DENND10: variants seen among roughly 807,000 people sequenced by gnomAD.
The protein encoded by DENND10 is DENN domain containing 10.
Under a neutral mutation model 43.6 loss-of-function variants are expected in DENND10, and 24 were observed. The observed-to-expected ratio is 0.55, with a 90% confidence interval of 0.40 to 0.77. The LOEUF (loss-of-function observed/expected upper bound fraction) is 0.77, where lower values mean the gene tolerates loss of function less well. DENND10 is among the 30% of genes least tolerant of loss of function. The probability of loss-of-function intolerance (pLI) is 0.00; values close to 1 mark genes in which losing one functional copy is unlikely to be tolerated. For synonymous variants in DENND10, 125 were observed against 157.6 expected (o/e 0.79, Z 1.55); for missense variants, 303 against 429.9 (o/e 0.70, Z 2.61).
At chr10:119,112,868 G>A (rs892954985) in intron 3 of DENND10, among the ~76,000 whole-genome samples, 3 of 142,990 alleles carry the variant, frequency 2.1e-5, no homozygotes, top group Non-Finnish European at 3.0e-5. Context: ...TTTTTTTTTT[G>A]AGACAGAGTC....
Position 119,108,052 on chromosome 10 carries a change from G to T in DENND10, c.140G>T (p.Cys47Phe). 1 of 1,613,256 alleles carries T rather than the reference G, an allele frequency of 6.2e-7. No individual in the cohort carries two copies. The highest frequency in any genetic ancestry group is 8.5e-7 in the Non-Finnish European group (1 of 1,179,206). Residue 47 changes from cysteine (C) to phenylalanine (F), a missense_variant, in exon 2 of 9, where the codon TGC becomes TTC. Cys to Phe is a radical substitution (Grantham distance 205). Transcript: ENST00000361432. ...TTAAGGAACCTGCTGCTGAGAAAAT[G>T]CTGCCTTACAGATGAAAACAAACTT... ...ATLRNLLLRKCCLTDENKLLH... is the reference protein window; with the variant it reads ...ATLRNLLLRKFCLTDENKLLH...
intron 7 of DENND10, among the ~76,000 whole-genome samples, chr10:119,131,925 C>T (rs1477955864): frequency 4.6e-5 from 7 of 152,224 alleles, no homozygotes; most frequent in African/African-American, 1.7e-4. Context: ...AAAATGGGCT[C>T]ATCCTAATCC....
At chr10:119,131,797 T>C (rs1296305668) in intron 7 of DENND10, among the ~76,000 whole-genome samples, 1 of 152,224 alleles carries the variant, frequency 6.6e-6, no homozygotes, top group Non-Finnish European at 1.5e-5. Context: ...AATAACTGCC[T>C]TTTGCAAAGC....
intron 7 of DENND10, among the ~76,000 whole-genome samples, chr10:119,131,434 G>A (rs576219039): frequency 6.6e-6 from 1 of 152,188 alleles, no homozygotes; most frequent in South Asian, 2.1e-4. Flanking sequence ...CTCCAGCCTG[G>A]GTGACAAAGC....
At chr10:119,122,508 A>G (rs4752251) in intron 5 of DENND10, among the ~76,000 whole-genome samples, 2 of 151,878 alleles carry the variant, frequency 1.3e-5, no homozygotes, top group Non-Finnish European at 2.9e-5. Flanking sequence ...AGTGAGAGAG[A>G]CAGAACTTTC....
At chr10:119,110,477 A>G (rs1461728973) in intron 2 of DENND10, among the ~76,000 whole-genome samples, 1 of 151,622 alleles carries the variant, frequency 6.6e-6, no homozygotes, top group Admixed American at 6.6e-5. Flanking sequence ...TCTTTTTTTG[A>G]GACAAAGTCT....
chr10:119,108,133 T>C lies in DENND10; in HGVS notation c.221T>C (p.Ile74Thr), dbSNP rs550831894. ...AGAACATGGTTTTATATCACAACAATTGAAGTTCCAGATTCTTCCATTTTG... is the reference window on the plus strand; with the variant it reads ...AGAACATGGTTTTATATCACAACAACTGAAGTTCCAGATTCTTCCATTTTG... ...YRRTWFYITTIEVPDSSILKK... is the reference protein window; with the variant it reads ...YRRTWFYITTTEVPDSSILKK... The change falls in exon 2 of 9, where the codon ATT (isoleucine) becomes ACT (threonine). Residue 74 changes from isoleucine (I) to threonine (T), a missense_variant. Ile to Thr is a moderately conservative substitution (Grantham distance 89). Coordinates refer to ENST00000361432, the MANE Select transcript of DENND10 (RefSeq NM_207009.4). The C allele has an allele frequency of 4.5e-5, 73 of 1,613,710 alleles. No homozygotes were observed. The highest frequency in any genetic ancestry group is 5.8e-5 in the Non-Finnish European group (68 of 1,179,664).
intron 6 of DENND10, 29 bp from the exon 7 acceptor site, chr10:119,129,486 C>T (rs1395708752): frequency 6.9e-7 from 1 of 1,459,360 alleles, no homozygotes. Flanking sequence ...CTTCCTACTC[C>T]AGTAAGGTTG....
intron 1 of DENND10, chr10:119,105,411 C>T (rs1844643074): frequency 2.7e-6 from 1 of 373,756 alleles, no homozygotes; most frequent in Non-Finnish European, 4.2e-6. Flanking sequence ...CCTCGGCCTC[C>T]GAGTAGCTGG....
At chr10:119,118,368 C>G (rs958294522) in intron 4 of DENND10, among the ~76,000 whole-genome samples, 1 of 152,170 alleles carries the variant, frequency 6.6e-6, no homozygotes, top group Non-Finnish European at 1.5e-5. Flanking sequence ...TAGCAGTTAT[C>G]TCTGTCATCT....
At chr10:119,107,406 CTTT>C (rs748394240) in intron 1 of DENND10, among the ~76,000 whole-genome samples, 5 of 140,364 alleles carry the variant, frequency 3.6e-5, no homozygotes, top group East Asian at 2.0e-4. Flanking sequence ...CTTTCTTTGT[CTTT>C]TTTTTTTTTT....
At chr10:119,119,179 T>G (rs2133488755) in intron 4 of DENND10, among the ~76,000 whole-genome samples, 1 of 152,290 alleles carries the variant, frequency 6.6e-6, no homozygotes, top group South Asian at 2.1e-4. Context: ...TAATTGTGTA[T>G]TTTTAGTACA....
In DENND10 at chr10:119,119,161, C is replaced by T. The variant is rs576267104; in HGVS notation, c.482-1180C>T. Among the ~76,000 whole-genome samples, 12 of 152,276 alleles carry T rather than the reference C, an allele frequency of 7.9e-5. No homozygotes were observed. In the South Asian group the frequency reaches 1.7e-3, roughly 21 times the overall value. On this transcript the variant is annotated intron_variant, in intron 4 of 8. Coordinates refer to ENST00000361432, the MANE Select transcript of DENND10 (RefSeq NM_207009.4). ...CTGGGATTACAGGCATGTGCCACCA[C>T]GCCTGCCTAATTGTGTATTTTTAGT...
At chr10:119,125,444 CCT>C (rs1355100050) in intron 6 of DENND10, among the ~76,000 whole-genome samples, 2 of 151,150 alleles carry the variant, frequency 1.3e-5, no homozygotes, top group Admixed American at 6.6e-5. Flanking sequence ...GTATCCATCA[CCT>C]CAAGCATTTA....
chr10:119,132,475 T>A lies in DENND10; in HGVS notation c.803-40T>A. The A allele has an allele frequency of 6.5e-7, 1 of 1,529,094 alleles. No individual in the cohort carries two copies. Among genetic ancestry groups the A allele is most frequent in the Non-Finnish European group, 9.1e-7 (1 of 1,103,926 alleles). The allele number at this position is 1,529,094 out of a possible 1,614,324, so 94.7% of individuals were successfully genotyped here. ...TCAGATAGATGGCATGATTATTTTT[T>A]ATGTCGATTTCTAAATATTCACCTT... On this transcript the variant is annotated intron_variant, in intron 7 of 8. Transcript: ENST00000361432. This position sits in a 1 kb window ranked among gnomAD's most constrained non-coding sequence, Gnocchi z 4.2.
At chr10:119,131,795 C>G (rs1010877229) in intron 7 of DENND10, among the ~76,000 whole-genome samples, 1 of 152,204 alleles carries the variant, frequency 6.6e-6, no homozygotes, top group Admixed American at 6.5e-5. Context: ...GAAATAACTG[C>G]CTTTTGCAAA....
At position 119,132,497 on chromosome 10, in the gene DENND10, CCTT is replaced by C. The variant is rs759503322; in HGVS notation, c.803-14_803-12del. The C allele has an allele frequency of 1.3e-6, 2 of 1,586,878 alleles. No individual in the cohort carries two copies. Among genetic ancestry groups the C allele is most frequent in the Admixed American group, 3.4e-5 (2 of 59,582 alleles). On this transcript the variant is annotated splice_polypyrimidine_tract_variant and intron_variant, in intron 7 of 8. Coordinates refer to ENST00000361432, the MANE Select transcript of DENND10 (RefSeq NM_207009.4). This position sits in a 1 kb window ranked among gnomAD's most constrained non-coding sequence, Gnocchi z 4.2. Reference sequence around the variant, plus strand: ...TTTTATGTCGATTTCTAAATATTCACCTTCTTGATCTCACCAGAGGCCATGGCA... The same window carrying C: ...TTTTATGTCGATTTCTAAATATTCACCTTGATCTCACCAGAGGCCATGGCA...
At chr10:119,126,135 C>A (rs1845821471) in intron 6 of DENND10, among the ~76,000 whole-genome samples, 2 of 152,110 alleles carry the variant, frequency 1.3e-5, no homozygotes, top group African/African-American at 2.4e-5. Context: ...GACAGGATTT[C>A]ATTCCTTTTT....
At chr10:119,119,566 G>C (rs1845462512) in intron 4 of DENND10, among the ~76,000 whole-genome samples, 1 of 151,838 alleles carries the variant, frequency 6.6e-6, no homozygotes, top group Non-Finnish European at 1.5e-5. Flanking sequence ...GTGAGACACT[G>C]TGCCCAGCCC....
Sources: allele counts gnomAD v4.1 joint callset (sites outside exome capture counted in the v4.1 genomes callset), GRCh38; gene constraint gnomAD v4.1.1; non-coding constraint Gnocchi (gnomAD v3.1); transcripts MANE v1.5; gene names NCBI Gene and HGNC (gene_info 2026-07-23, HGNC 2026-07-21).